MSI2: variants seen among roughly 807,000 people sequenced by gnomAD.
MSI2 encodes the protein RNA-binding protein Musashi homolog 2.
A neutral mutation model predicts 45.6 loss-of-function variants in MSI2; 17 were observed. That is an observed-to-expected ratio of 0.37 (90% CI 0.26 to 0.56). The LOEUF is 0.56. MSI2 is among the 20% of genes least tolerant of loss of function. The pLI is 0.77. For missense variants in MSI2, 293 were observed against 444.2 expected, an observed-to-expected ratio of 0.66 and a Z score of 3.06; for synonymous variants, 156 against 158.2, an observed-to-expected ratio of 0.99 and a Z score of 0.11.
At chr17:57,325,973 T>G (rs2143698071) in intron 5 of MSI2, among the ~76,000 whole-genome samples, 1 of 152,300 alleles carries the variant, frequency 6.6e-6, no homozygotes, top group South Asian at 2.1e-4. Context: ...CTCCTGCCTT[T>G]GCATCTGCTG....
At chr17:57,582,477 T>A (rs1012889391) in intron 7 of MSI2, among the ~76,000 whole-genome samples, 1 of 152,172 alleles carries the variant, frequency 6.6e-6, no homozygotes, top group South Asian at 2.1e-4. Flanking sequence ...ATATGCTGGT[T>A]TTAAAAAAGA....
chr17:57,260,866 G>A (rs1470027457), intron 4 of MSI2, among the ~76,000 whole-genome samples: 1 of 151,998 alleles, frequency 6.6e-6, no homozygotes, highest in East Asian at 1.9e-4. Context: ...TATCCTCCGT[G>A]CTTCCCACTC....
chr17:57,449,337 C>G (rs1056925435), intron 6 of MSI2: 2 of 152,224 alleles, frequency 1.3e-5, no homozygotes, highest in Non-Finnish European at 2.9e-5. Context: ...GACAGATCTT[C>G]CACACTCTGG....
intron 6 of MSI2, among the ~76,000 whole-genome samples, chr17:57,427,027 G>A (rs911904231): frequency 6.6e-5 from 10 of 152,192 alleles, no homozygotes; most frequent in Admixed American, 4.6e-4. Context: ...GTGCCCCCAC[G>A]GAAGGTACTG....
chr17:57,538,584 G>A (rs2086972145), intron 7 of MSI2, among the ~76,000 whole-genome samples: 2 of 152,174 alleles, frequency 1.3e-5, no homozygotes. Context: ...CGCAAGTGGA[G>A]AGTGCGGGGC....
chr17:57,571,441 G>A (rs746394137), intron 7 of MSI2, among the ~76,000 whole-genome samples: 11 of 152,112 alleles, frequency 7.2e-5, no homozygotes, highest in Non-Finnish European at 1.2e-4. Flanking sequence ...ACCAGGCCCC[G>A]CTCCTCCCAG....
In MSI2 at chr17:57,675,030, C is replaced by G. The variant is rs141534185; in HGVS notation, c.849C>G (p.Ala283=). The change falls in exon 12 of 14, where the codon GCC becomes GCG. Residue 283 remains alanine, a synonymous_variant. Coordinates refer to ENST00000284073, the MANE Select transcript of MSI2 (RefSeq NM_138962.4). ...FPGANSPGPV[A]DLYGPASQDS... is the part of the protein sequence containing the mutation. ...GGGCCAACAGCCCAGGACCTGTCGC[C>G]GATCTCTACGGCCCTGCCAGCCAGG... The G allele has an allele frequency of 2.5e-6, 4 of 1,613,986 alleles. No homozygotes were observed. In the South Asian group the frequency reaches 3.3e-5, roughly 13 times the overall value.
At chr17:57,358,381 A>C (rs976147436) in intron 5 of MSI2, among the ~76,000 whole-genome samples, 1 of 152,168 alleles carries the variant, frequency 6.6e-6, no homozygotes, top group Non-Finnish European at 1.5e-5. Context: ...TGAATGACTC[A>C]AGGCTCTGAG....
chr17:57,692,226 T>G, the MSI2 span, among the ~76,000 whole-genome samples: 3 of 152,214 alleles, frequency 2.0e-5, no homozygotes, highest in African/African-American at 7.2e-5. Context: ...ATTATCCTTT[T>G]TACATATTAC....
intron 6 of MSI2, among the ~76,000 whole-genome samples, chr17:57,505,067 G>A (rs2143897063): frequency 6.6e-6 from 1 of 152,274 alleles, no homozygotes; most frequent in East Asian, 1.9e-4. Context: ...AACTGCAGGA[G>A]GTTGGGGTCA....
At chr17:57,548,595 A>G (rs1039326894) in intron 7 of MSI2, among the ~76,000 whole-genome samples, 3 of 151,500 alleles carry the variant, frequency 2.0e-5, no homozygotes, top group African/African-American at 7.3e-5. Context: ...GAGTAGGGAC[A>G]GCTCGGGCCA....
chr17:57,380,066 T>G (rs774277415), intron 5 of MSI2, among the ~76,000 whole-genome samples: 45 of 152,186 alleles, frequency 3.0e-4, no homozygotes, highest in Admixed American at 6.5e-4. Context: ...TAGAAGCAAG[T>G]TGTCACAGAG....
intron 5 of MSI2, among the ~76,000 whole-genome samples, chr17:57,378,911 A>G (rs886739980): frequency 3.9e-5 from 6 of 152,154 alleles, no homozygotes; most frequent in Non-Finnish European, 8.8e-5. Context: ...TTCTTCTCAC[A>G]GCGACATGGG....
intron 11 of MSI2, among the ~76,000 whole-genome samples, chr17:57,672,155 C>T (rs1447462624): frequency 1.3e-5 from 2 of 152,174 alleles, no homozygotes; most frequent in Non-Finnish European, 2.9e-5. Flanking sequence ...AGCTGAGGCT[C>T]CGGCACCGTG....
chr17:57,416,194 G>A (rs534150500), intron 6 of MSI2, among the ~76,000 whole-genome samples: 1 of 152,324 alleles, frequency 6.6e-6, no homozygotes, highest in South Asian at 2.1e-4. Flanking sequence ...CCTGGCAGCC[G>A]AGACCAGAGG....
chr17:57,357,839 CT>C (rs561202728), intron 5 of MSI2, among the ~76,000 whole-genome samples: 70 of 151,722 alleles, frequency 4.6e-4, no homozygotes, highest in African/African-American at 8.2e-4. Context: ...ATACATTAAT[CT>C]TTTTTTTTGA....
intron 4 of MSI2, among the ~76,000 whole-genome samples, chr17:57,261,020 A>G (rs992887853): frequency 1.3e-5 from 2 of 152,258 alleles, no homozygotes; most frequent in Admixed American, 1.3e-4. Flanking sequence ...GAAATAAATA[A>G]CTGGTAGCAT....
chr17:57,432,677 C>T lies in MSI2; in HGVS notation c.405+31206C>T, dbSNP rs535050273. ...ATTTGAATGTTCCAGGCTCATCTCA[C>T]CTTCGCCCTCCTCACACTGACCTCA... On this transcript the variant is annotated intron_variant, in intron 6 of 13. Coordinates refer to ENST00000284073, the MANE Select transcript of MSI2 (RefSeq NM_138962.4). 7.7e-4 allele frequency: 117 copies of T among 152,862 alleles called. 1 individual carries two copies. Among genetic ancestry groups the T allele is most frequent in the Admixed American group, 1.4e-3 (21 of 15,300 alleles). The allele number at this position is 152,862 out of a possible 1,614,324, so 9.5% of individuals were successfully genotyped here.
At chr17:57,272,703 G>A (rs770197267) in intron 5 of MSI2, among the ~76,000 whole-genome samples, 1 of 152,190 alleles carries the variant, frequency 6.6e-6, no homozygotes, top group South Asian at 2.1e-4. Context: ...ATAGGAGCTC[G>A]AGAGTACCTG....
Sources: gnomAD v4.1 joint callset for allele counts (sites outside exome capture counted in the v4.1 genomes callset) on GRCh38, gnomAD v4.1.1 for gene constraint, MANE v1.5 for transcripts, NCBI Gene and HGNC (gene_info 2026-07-23, HGNC 2026-07-21) for gene names.